The following FREM1 variants were observed in gnomAD, a reference collection of about 807,000 sequenced individuals.
FREM1 encodes the protein FRAS1 related extracellular matrix 1, also known as FRAS1-related extracellular matrix protein 1.
FREM1 carries 220 observed loss-of-function variants against 210.1 expected under a neutral mutation model. The observed-to-expected ratio is 1.05, with a 90% CI of 0.94 to 1.17. The LOEUF is 1.17. FREM1 is among the 50% of genes most tolerant of loss of function. The pLI is 0.00. For synonymous variants in FREM1, 1,189 were observed against 980.2 expected (o/e 1.21, Z -3.98); for missense variants, 3,454 against 2,675.5 (o/e 1.29, Z -6.42).
At chr9:14,758,764 CT>C (rs1023927878) in intron 28 of FREM1, among the ~76,000 whole-genome samples, 3 of 152,012 alleles carry the variant, frequency 2.0e-5, no homozygotes, top group Admixed American at 2.0e-4. Context: ...TTGAAGCGCT[CT>C]TGTTATAACG....
intron 5 of FREM1, among the ~76,000 whole-genome samples, chr9:14,853,766 C>A (rs1828201127): frequency 6.6e-6 from 1 of 152,178 alleles, no homozygotes; most frequent in South Asian, 2.1e-4. Flanking sequence ...ACTGAGATGT[C>A]CCAGGGTTTA....
chr9:14,766,879 G>A (rs1235455345), intron 27 of FREM1, among the ~76,000 whole-genome samples: 1 of 152,110 alleles, frequency 6.6e-6, no homozygotes, highest in Non-Finnish European at 1.5e-5. Flanking sequence ...TTCATCCCAG[G>A]ATCAATTTCT....
At chr9:14,747,232 A>C in intron 33 of FREM1, 32 bp downstream of exon 33, 1 of 1,603,860 alleles carries the variant, frequency 6.2e-7, no homozygotes, top group Non-Finnish European at 8.5e-7. Flanking sequence ...ACTTGTTATA[A>C]GGTGAGTAAG....
chr9:14,886,301 G>A (rs1277011746), intron 1 of FREM1, among the ~76,000 whole-genome samples: 1 of 136,382 alleles, frequency 7.3e-6, no homozygotes, highest in African/African-American at 2.8e-5. Flanking sequence ...CAGGAGAATC[G>A]CTTGAACCCT....
rs377668876 is a variant in FREM1 at position 14,804,947 on chromosome 9, G to A, written c.3471+9C>T. ...AAAGAGAAATGGAACATTTGGATAT[G>A]TTTCTTACAGTAATATTCTGCACTA... On this transcript the variant is annotated intron_variant, in intron 19 of 36. Transcript: ENST00000380880. The A allele has an allele frequency of 1.5e-4, 232 of 1,588,760 alleles. No individual in the cohort carries two copies. The highest frequency in any genetic ancestry group is 1.8e-4 in the Non-Finnish European group (206 of 1,158,342).
At chr9:14,873,320 G>A (rs889558826) in intron 1 of FREM1, among the ~76,000 whole-genome samples, 2 of 152,138 alleles carry the variant, frequency 1.3e-5, no homozygotes, top group Non-Finnish European at 2.9e-5. Context: ...TGGTTGGTAA[G>A]CTATTGATTA....
At chr9:14,851,844 G>A (rs1301845166) in intron 5 of FREM1, among the ~76,000 whole-genome samples, 1 of 152,094 alleles carries the variant, frequency 6.6e-6, no homozygotes, top group African/African-American at 2.4e-5. Context: ...AGTATTTCTC[G>A]AGCTCCCTGG....
chr9:14,857,643 A>G lies in FREM1; in HGVS notation c.738T>C (p.Arg246=), dbSNP rs371006250. ...SCEEFLLMGL[R]YQHLDPPSPN... ...GTGAAGGGGGATCCAGATGCTGATA[A>G]CGAAGGCCCATCAGCAGGAACTCCT... is the stretch of plus-strand genomic sequence containing the variant. Residue 246 remains arginine, a synonymous_variant, in exon 5 of 37, where the codon CGT becomes CGC. Coordinates refer to ENST00000380880, the MANE Select transcript of FREM1 (RefSeq NM_001379081.2). 21 of 1,613,616 alleles carry G rather than the reference A, an allele frequency of 1.3e-5. No individual in the cohort carries two copies. In the African/African-American group the frequency reaches 2.3e-4, roughly 17 times the overall value.
intron 24 of FREM1, among the ~76,000 whole-genome samples, chr9:14,776,528 A>G (rs1848603538): frequency 1.3e-5 from 2 of 152,198 alleles, no homozygotes; most frequent in African/African-American, 2.4e-5. Context: ...AAAATTTCAC[A>G]TCCAATGAGA....
chr9:14,866,640 C>T (rs567346552), intron 2 of FREM1, among the ~76,000 whole-genome samples: 67 of 152,222 alleles, frequency 4.4e-4, no homozygotes, highest in African/African-American at 1.3e-3. Flanking sequence ...AATTTTCCTT[C>T]TTCTCTTTTT....
At chr9:14,799,924 T>A (rs1563956979) in intron 20 of FREM1, among the ~76,000 whole-genome samples, 2 of 150,976 alleles carry the variant, frequency 1.3e-5, no homozygotes, top group South Asian at 2.1e-4. Flanking sequence ...ACTAGATATA[T>A]CTCCTAATGC....
At chr9:14,905,904 G>GA (rs35772565) in intron 1 of FREM1, among the ~76,000 whole-genome samples, 33 of 148,768 alleles carry the variant, frequency 2.2e-4, no homozygotes, top group African/African-American at 5.7e-4. Flanking sequence ...TTTAAAAAAA[G>GA]AAAAAAAAAA....
At chr9:14,890,518 C>A (rs377642648) in intron 1 of FREM1, among the ~76,000 whole-genome samples, 1 of 151,956 alleles carries the variant, frequency 6.6e-6, no homozygotes, top group African/African-American at 2.4e-5. Flanking sequence ...CCAAAGTCTG[C>A]AAACTTATGG....
intron 1 of FREM1, among the ~76,000 whole-genome samples, chr9:14,903,918 A>C (rs999686277): frequency 6.6e-6 from 1 of 151,938 alleles, no homozygotes; most frequent in Non-Finnish European, 1.5e-5. Context: ...TCAGGAGATC[A>C]AGACCATCCT....
At chr9:14,787,740 G>A (rs890631494) in intron 23 of FREM1, among the ~76,000 whole-genome samples, 22 of 152,182 alleles carry the variant, frequency 1.4e-4, no homozygotes, top group Non-Finnish European at 1.5e-5. Flanking sequence ...GAGCCAATGA[G>A]AAGGTGGCCT....
Position 14,748,459 on chromosome 9 carries a change from C to A in FREM1, c.5738G>T (p.Gly1913Val), listed in dbSNP as rs774600437. 2 of 1,613,778 alleles carry A rather than the reference C, an allele frequency of 1.2e-6. No homozygotes were observed. Among genetic ancestry groups the A allele is most frequent in the Non-Finnish European group, 1.7e-6 (2 of 1,179,766 alleles). ...TTGAGAAAGATCTGTAGAATCAAAG[C>A]CCCGCAGGGTGTCTCCCCTGATGAC... ...LAVIRGDTLR[G>V]FDSTDLSQRK... The change falls in exon 31 of 37, where the codon GGC becomes GTC. Residue 1913 changes from glycine (G) to valine (V), a missense_variant. Physicochemically the swap from Gly to Val is moderately radical, Grantham distance 109. Transcript: ENST00000380880.
chr9:14,750,164 C>G lies in FREM1; in HGVS notation c.5520G>C (p.Lys1840Asn). The stretch of plus-strand genomic sequence containing the variant: ...CCAAAATTTTCACTGCAGCTTTTGT[C>G]TTTGTGCCAAGAACTGCATTCACAG... ...NSPVNAVLGTKTKAAVKILDS... is the reference protein window; with the variant it reads ...NSPVNAVLGTNTKAAVKILDS... Residue 1840 changes from lysine to asparagine, a missense_variant, in exon 30 of 37, where the codon AAG becomes AAC. Lys to Asn is a moderately conservative substitution (Grantham distance 94). Coordinates refer to ENST00000380880, the MANE Select transcript of FREM1 (RefSeq NM_001379081.2). 1 of 1,613,714 alleles carries G rather than the reference C, an allele frequency of 6.2e-7. No individual in the cohort carries two copies. Among genetic ancestry groups the G allele is most frequent in the East Asian group, 2.2e-5 (1 of 44,866 alleles).
chr9:14,815,500 G>C (rs1046052679), intron 15 of FREM1, among the ~76,000 whole-genome samples: 7 of 152,096 alleles, frequency 4.6e-5, no homozygotes, highest in Non-Finnish European at 8.8e-5. Context: ...AATAATTAGT[G>C]GCTCTTCAGG....
Position 14,808,095 on chromosome 9 carries a change from G to C in FREM1, c.2933C>G (p.Thr978Arg), listed in dbSNP as rs369800434. 6.2e-6 allele frequency: 10 copies of C among 1,612,498 alleles called. No individual in the cohort carries two copies. Among genetic ancestry groups the C allele is most frequent in the Admixed American group, 3.3e-5 (2 of 59,892 alleles). The change falls in exon 17 of 37, where the codon ACA (threonine) becomes AGA (arginine). Residue 978 changes from threonine to arginine, a missense_variant. Thr to Arg is a moderately conservative substitution (Grantham distance 71). Transcript: ENST00000380880. ...AGCCTCTCCATCCGAAACCACCAAT[G>C]TAATGGTGTCAAAACAAGGCATCAG... is the stretch of plus-strand genomic sequence containing the variant. ...IGLMPCFDTI[T>R]LVVSDGEAGP...
Sources: allele counts gnomAD v4.1 joint callset (sites outside exome capture counted in the v4.1 genomes callset), GRCh38; gene constraint gnomAD v4.1.1; transcripts MANE v1.5; gene names NCBI Gene and HGNC (gene_info 2026-07-23, HGNC 2026-07-21).